The following ARGFX variants were observed in gnomAD, a reference collection of about 807,000 sequenced individuals.
ARGFX encodes arginine-fifty homeobox.
Under a neutral mutation model 8.0 loss-of-function variants are expected in ARGFX, and 10 were observed. The observed-to-expected ratio is 1.25, with a 90% CI of 0.77 to 2.12. The LOEUF is 2.12. ARGFX is among the 30% of genes most tolerant of loss of function. ARGFX has a pLI of 0.00. For missense variants in ARGFX, 282 were observed against 324.3 expected, an observed-to-expected ratio of 0.87 and a Z score of 1.00; for synonymous variants, 116 against 117.8, an observed-to-expected ratio of 0.98 and a Z score of 0.10.
At position 121,586,353 on chromosome 3, in the gene ARGFX, A is replaced by G. The variant is rs1420030592; in HGVS notation, c.701A>G (p.Tyr234Cys). ...AYDIFQIIELYNLPDENEISS... is the reference protein window; with the variant it reads ...AYDIFQIIELCNLPDENEISS... The stretch of plus-strand genomic sequence containing the variant: ...GACATATTCCAAATCATAGAACTGT[A>G]CAATCTTCCTGATGAGAATGAGATA... The change falls in exon 5 of 5, where the codon TAC becomes TGC. Residue 234 changes from tyrosine (Y) to cysteine (C), a missense_variant. By Grantham distance (194) the Tyr-to-Cys change is radical. Coordinates refer to ENST00000334384, the MANE Select transcript of ARGFX (RefSeq NM_001012659.2). 1.2e-6 allele frequency: 2 copies of G among 1,614,182 alleles called. No individual in the cohort carries two copies. Among genetic ancestry groups the G allele is most frequent in the Non-Finnish European group, 1.7e-6 (2 of 1,180,028 alleles).
chr3:121,583,578 AT>A (rs1360673929), intron 3 of ARGFX, among the ~76,000 whole-genome samples: 2 of 151,618 alleles, frequency 1.3e-5, no homozygotes, highest in African/African-American at 2.4e-5. Flanking sequence ...AAGAATAGTT[AT>A]TATGCGGTGA....
At chr3:121,580,609 T>A (rs865813009) in intron 3 of ARGFX, among the ~76,000 whole-genome samples, 11,464 of 139,576 alleles carry the variant, frequency 0.082, 794 homozygotes, top group Admixed American at 0.2. Context: ...TATATATATT[T>A]TTTTTTTTTT....
At chr3:121,575,683 G>A (rs1381768462) in intron 2 of ARGFX, among the ~76,000 whole-genome samples, 1 of 152,174 alleles carries the variant, frequency 6.6e-6, no homozygotes, top group Non-Finnish European at 1.5e-5. Context: ...GGAGACCGAG[G>A]TGGGTGGATC....
rs756800220 is a variant in ARGFX at position 121,588,311 on chromosome 3, C to CAAAAAAAAAAAAAA, written c.*1718_*1731dup. 1.9e-5 allele frequency among the ~76,000 whole-genome samples: 1 copy of CAAAAAAAAAAAAAA among 51,480 alleles called. No individual in the cohort carries two copies. The highest frequency in any genetic ancestry group is 4.4e-5 in the Non-Finnish European group (1 of 22,718). 33.8% of individuals were successfully genotyped at this position (51,480 alleles called of 152,430 possible). A position where few individuals can be genotyped will look rare whatever the true frequency, so the allele number is the denominator to read the frequency against. On this transcript the variant is annotated 3_prime_UTR_variant, in exon 5 of 5. Transcript: ENST00000334384. ...TGAAATCCCGTCTCTACTAAAAATA[C>CAAAAAAAAAAAAAA]AAAAAAAAAAAAAAAAAAAAGCCAG...
At chr3:121,579,294 CA>C (rs2048763245) in intron 3 of ARGFX, among the ~76,000 whole-genome samples, 1 of 152,214 alleles carries the variant, frequency 6.6e-6, no homozygotes. Flanking sequence ...ATTTGTAACA[CA>C]AAGTATATCC....
Position 121,577,226 on chromosome 3 carries a change from CATAT to C in ARGFX, c.220+357_220+360del, listed in dbSNP as rs71133554. Among the ~76,000 whole-genome samples the C allele has an allele frequency of 1.4e-3, 125 of 86,992 alleles. 2 individuals carry two copies. The highest frequency in any genetic ancestry group is 8.2e-3 in the Middle Eastern group (1 of 122). The allele number at this position is 86,992 out of a possible 152,430, so 57.1% of individuals were successfully genotyped here. On this transcript the variant is annotated intron_variant, in intron 3 of 4. Coordinates refer to ENST00000334384, the MANE Select transcript of ARGFX (RefSeq NM_001012659.2). ...GTATATATATATATATCTACATGTA[CATAT>C]ATATATATATATATATATATATATA... is the stretch of plus-strand genomic sequence containing the variant.
Position 121,583,693 on chromosome 3 carries a change from A to T in ARGFX, c.221-1224A>T, listed in dbSNP as rs868861053. ...AGGTACATGCAACCATGCCCAGCTA[A>T]TTTTTTAATTTTTCATAGAGACAGG... On this transcript the variant is annotated intron_variant, in intron 3 of 4. Coordinates refer to ENST00000334384, the MANE Select transcript of ARGFX (RefSeq NM_001012659.2). Among the ~76,000 whole-genome samples the T allele has an allele frequency of 2.0e-5, 3 of 151,482 alleles. No homozygotes were observed. The Middle Eastern group carries it at 0.01, about 519-fold the overall frequency.
intron 3 of ARGFX, among the ~76,000 whole-genome samples, chr3:121,580,249 TC>T (rs2048770199): frequency 6.6e-6 from 1 of 151,798 alleles, no homozygotes; most frequent in Non-Finnish European, 1.5e-5. Flanking sequence ...TTCAAGTGAT[TC>T]CCCTGCCTCA....
At chr3:121,585,194 A>T in intron 4 of ARGFX, 129 bp downstream of exon 4, 3 of 1,094,496 alleles carry the variant, frequency 2.7e-6, no homozygotes, top group Non-Finnish European at 3.8e-6. Flanking sequence ...CTGAAACGGT[A>T]TCAAACTGGG....
In ARGFX at chr3:121,590,367, T is replaced by C. The variant is rs2048837100; in HGVS notation, c.*3767T>C. On this transcript the variant is annotated 3_prime_UTR_variant, in exon 5 of 5. Coordinates refer to ENST00000334384, the MANE Select transcript of ARGFX (RefSeq NM_001012659.2). ...GCCCCCATGAATGGATTAATGCCAT[T>C]ATTGTGGGAGTGGGTTAGTTATCTC... Among the ~76,000 whole-genome samples the C allele has an allele frequency of 6.6e-6, 1 of 152,188 alleles. No individual in the cohort carries two copies. The highest frequency in any genetic ancestry group is 1.5e-5 in the Non-Finnish European group (1 of 68,046).
At chr3:121,584,624 T>C (rs967970160) in intron 3 of ARGFX, among the ~76,000 whole-genome samples, 1 of 152,126 alleles carries the variant, frequency 6.6e-6, no homozygotes, top group African/African-American at 2.4e-5. Flanking sequence ...AGACTGAAAC[T>C]CAAGGGAGCC....
At position 121,576,862 on chromosome 3, in the gene ARGFX, A is replaced by T. The variant is rs1172448993; in HGVS notation, c.182A>T (p.Asp61Val). 6 of 403,952 alleles carry T rather than the reference A, an allele frequency of 1.5e-5. No homozygotes were observed. Among genetic ancestry groups the T allele is most frequent in the Non-Finnish European group, 2.4e-5 (5 of 206,170 alleles). 25.0% of individuals were successfully genotyped at this position (403,952 alleles called of 1,614,324 possible). ...YCSLNLPGST[D>V]PPTSASRVAA... ...AGCCTCAACCTCCCAGGTTCAACTG[A>T]TCCTCCCACCTCAGCCTCCCGAGTA... Residue 61 changes from aspartate to valine, a missense_variant, in exon 3 of 5, where the codon GAT becomes GTT. Physicochemically the swap from Asp to Val is radical, Grantham distance 152. Coordinates refer to ENST00000334384, the MANE Select transcript of ARGFX (RefSeq NM_001012659.2).
At chr3:121,585,231 C>A (rs2048804025) in intron 4 of ARGFX, among the ~76,000 whole-genome samples, 166 bp downstream of exon 4, 1 of 152,162 alleles carries the variant, frequency 6.6e-6, no homozygotes, top group Admixed American at 6.6e-5. Context: ...GCCTCACTCT[C>A]ATGCAGTTTG....
rs2048817810 is a variant in ARGFX, at chr3:121,587,234, T to C, written c.*634T>C. ...GCCTGGCTAACTTTTGTATTTTTAG[T>C]AGAGACGGGGTTTCACCACGTTGCC... is the stretch of plus-strand genomic sequence containing the variant. On this transcript the variant is annotated 3_prime_UTR_variant, in exon 5 of 5. Transcript: ENST00000334384. 6.6e-6 allele frequency among the ~76,000 whole-genome samples: 1 copy of C among 152,136 alleles called. No homozygotes were observed. Among genetic ancestry groups the C allele is most frequent in the Admixed American group, 6.5e-5 (1 of 15,278 alleles).
At chr3:121,585,432 T>G (rs1448589415) in intron 4 of ARGFX, among the ~76,000 whole-genome samples, 2 of 152,180 alleles carry the variant, frequency 1.3e-5, no homozygotes, top group Non-Finnish European at 2.9e-5. Context: ...GCAATCTGTT[T>G]ATTCATAATG....
chr3:121,574,923 A>C (rs749264562), intron 2 of ARGFX, among the ~76,000 whole-genome samples: 4 of 152,244 alleles, frequency 2.6e-5, no homozygotes, highest in Non-Finnish European at 5.9e-5. Context: ...GAAAGTTCAG[A>C]AAATTGATAT....
At chr3:121,582,862 C>T (rs2048788321) in intron 3 of ARGFX, among the ~76,000 whole-genome samples, 1 of 151,638 alleles carries the variant, frequency 6.6e-6, no homozygotes, top group African/African-American at 2.4e-5. Context: ...TGCTACCATG[C>T]CCACCTAATT....
At chr3:121,573,712 G>A (rs190615099) in intron 2 of ARGFX, among the ~76,000 whole-genome samples, 212 of 151,846 alleles carry the variant, frequency 1.4e-3, no homozygotes, top group African/African-American at 5.0e-3. Context: ...GCTGGGTGTG[G>A]TGGTGCATGC....
intron 1 of ARGFX, among the ~76,000 whole-genome samples, chr3:121,570,179 A>G (rs546467817): frequency 6.6e-6 from 1 of 152,198 alleles, no homozygotes; most frequent in African/African-American, 2.4e-5. Flanking sequence ...TTAATACTCC[A>G]CAGAACAGGA....
Sources: gnomAD v4.1 joint callset for allele counts (sites outside exome capture counted in the v4.1 genomes callset) on GRCh38, gnomAD v4.1.1 for gene constraint, MANE v1.5 for transcripts, NCBI Gene and HGNC (gene_info 2026-07-23, HGNC 2026-07-21) for gene names.